DCHS2: variants seen among roughly 807,000 people sequenced by gnomAD.
DCHS2 encodes protocadherin-23.
In DCHS2, 142 loss-of-function variants were observed where a neutral mutation model predicts 182.4. The observed-to-expected ratio is 0.78, with a 90% CI of 0.68 to 0.89. The LOEUF (loss-of-function observed/expected upper bound fraction) is 0.89, where lower values mean the gene tolerates loss of function less well. Among genes scored for constraint, DCHS2 ranks in the 40% least tolerant of loss-of-function variants. The probability of loss-of-function intolerance (pLI) is 0.00; values close to 1 mark genes in which losing one functional copy is unlikely to be tolerated. For missense variants in DCHS2, 4,319 were observed against 4,198.6 expected, an observed-to-expected ratio of 1.03 and a Z score of -0.79; for synonymous variants, 1,740 against 1,663.3, an observed-to-expected ratio of 1.05 and a Z score of -1.12.
intron 1 of DCHS2, among the ~76,000 whole-genome samples, chr4:154,404,273 T>A (rs1357931793): frequency 6.6e-6 from 1 of 152,208 alleles, no homozygotes; most frequent in African/African-American, 2.4e-5. Flanking sequence ...CTTTGACTCA[T>A]GGATTATTTA....
At chr4:154,464,593 C>T (rs1735160585) in intron 1 of DCHS2, among the ~76,000 whole-genome samples, 1 of 152,102 alleles carries the variant, frequency 6.6e-6, no homozygotes, top group Non-Finnish European at 1.5e-5. Context: ...AGAAACAACC[C>T]ATTAAAGGCA....
chr4:154,332,982 G>T lies in DCHS2; in HGVS notation c.3226C>A (p.Arg1076Ser). ...LLVLTVVIEK[R>S]EHSPSWTFEH... ...AAAGTCCAGGATGGGCTGTGTTCGC[G>T]TTTCTCGATAACGACTGTCAGCACC... is the stretch of plus-strand genomic sequence containing the variant. Residue 1076 changes from arginine (R) to serine (S), a missense_variant, in exon 5 of 20, where the codon CGC becomes AGC. Coordinates refer to ENST00000357232, the MANE Select transcript of DCHS2 (RefSeq NM_001358235.2). The T allele has an allele frequency of 6.2e-7, 1 of 1,614,218 alleles. No homozygotes were observed. The highest frequency in any genetic ancestry group is 1.3e-5 in the African/African-American group (1 of 75,068).
Position 154,298,615 on chromosome 4 carries a change from G to T in DCHS2, c.5699C>A (p.Thr1900Asn). 1.2e-6 allele frequency: 2 copies of T among 1,614,062 alleles called. No homozygotes were observed. The highest frequency in any genetic ancestry group is 1.7e-6 in the Non-Finnish European group (2 of 1,179,972). ...ALDREQISNF[T>N]LVILCSDLGD... ...CAGGTCAGAGCACAGAATGACAAGG[G>T]TAAAATTGCTGATTTGCTCCCGGTC... The change falls in exon 13 of 20, where the codon ACC (threonine) becomes AAC (asparagine). Residue 1900 changes from threonine (T) to asparagine (N), a missense_variant. Thr to Asn is a moderately conservative substitution (Grantham distance 65, BLOSUM62 0). Transcript: ENST00000357232.
chr4:154,407,110 T>C (rs1368399164), intron 1 of DCHS2, among the ~76,000 whole-genome samples: 1 of 152,174 alleles, frequency 6.6e-6, no homozygotes, highest in Admixed American at 6.5e-5. Flanking sequence ...AAATCTGTTT[T>C]ATGGCAACAT....
At chr4:154,253,568 GTTTCA>G (rs1732493009) in intron 16 of DCHS2, among the ~76,000 whole-genome samples, 1 of 152,202 alleles carries the variant, frequency 6.6e-6, no homozygotes, top group South Asian at 2.1e-4. Flanking sequence ...GAGGAGAAAA[GTTTCA>G]TGCTTAAACA....
intron 16 of DCHS2, among the ~76,000 whole-genome samples, chr4:154,246,254 C>T (rs1027033212): frequency 6.6e-6 from 1 of 152,158 alleles, no homozygotes; most frequent in Non-Finnish European, 1.5e-5. Context: ...TTTTGTCCCT[C>T]TTGCCCATTA....
chr4:154,434,766 G>A (rs1733703856), intron 1 of DCHS2, among the ~76,000 whole-genome samples: 2 of 152,130 alleles, frequency 1.3e-5, no homozygotes, highest in Admixed American at 1.3e-4. Context: ...GATGAAAATG[G>A]TATTTTACCT....
intron 1 of DCHS2, among the ~76,000 whole-genome samples, chr4:154,417,223 GA>G (rs1732893578): frequency 6.8e-6 from 1 of 148,060 alleles, no homozygotes; most frequent in African/African-American, 2.5e-5. Context: ...GAGAGAGAGA[GA>G]GAGAGAGAGA....
intron 2 of DCHS2, among the ~76,000 whole-genome samples, chr4:154,376,133 G>A (rs752157047): frequency 1.3e-5 from 2 of 152,018 alleles, no homozygotes. Flanking sequence ...GGGGCTTCTG[G>A]GTTCCGGTAA....
At chr4:154,298,792 C>T in intron 12 of DCHS2, 84 bp from the exon 13 acceptor site, 9 of 1,464,556 alleles carry the variant, frequency 6.1e-6, no homozygotes, top group East Asian at 2.3e-5. Flanking sequence ...TTCATTTATA[C>T]ATTCATTAAA....
chr4:154,238,425 G>A (rs971656506), intron 19 of DCHS2, among the ~76,000 whole-genome samples: 12 of 152,002 alleles, frequency 7.9e-5, no homozygotes, highest in African/African-American at 2.9e-4. Context: ...TGTCTCCCAG[G>A]CCCTGTTATT....
At chr4:154,244,955 TAA>T (rs1286198312) in intron 16 of DCHS2, among the ~76,000 whole-genome samples, 1 of 152,160 alleles carries the variant, frequency 6.6e-6, no homozygotes, top group African/African-American at 2.4e-5. Context: ...ACATCAAAGT[TAA>T]GTTTCTATCA....
At chr4:154,450,549 C>A (rs1222809396) in intron 1 of DCHS2, among the ~76,000 whole-genome samples, 4 of 152,028 alleles carry the variant, frequency 2.6e-5, no homozygotes, top group African/African-American at 9.7e-5. Flanking sequence ...AATTTAGGAG[C>A]CAGCCGGGCA....
chr4:154,337,713 T>C (rs974324135), intron 3 of DCHS2, among the ~76,000 whole-genome samples: 1 of 151,660 alleles, frequency 6.6e-6, no homozygotes, highest in Non-Finnish European at 1.5e-5. Context: ...TTCTTTGATG[T>C]AACAATTTCT....
intron 15 of DCHS2, among the ~76,000 whole-genome samples, chr4:154,256,756 A>C (rs1578867003): frequency 6.6e-6 from 1 of 152,072 alleles, no homozygotes; most frequent in East Asian, 1.9e-4. Flanking sequence ...ATACTGATGA[A>C]TGTCCTAGTG....
intron 17 of DCHS2, 133 bp from the exon 18 acceptor site, chr4:154,240,956 C>A (rs1460504644): frequency 3.3e-5 from 46 of 1,380,762 alleles, no homozygotes; most frequent in Non-Finnish European, 4.2e-5. Flanking sequence ...ATTTCTCATA[C>A]AAAGCTCATT....
At chr4:154,487,348 G>A (rs1191677594) in intron 1 of DCHS2, among the ~76,000 whole-genome samples, 6 of 152,294 alleles carry the variant, frequency 3.9e-5, no homozygotes, top group Middle Eastern at 6.8e-3. Flanking sequence ...TGACATTGGC[G>A]GAAGTTGTGT....
intron 1 of DCHS2, among the ~76,000 whole-genome samples, chr4:154,483,162 T>C (rs903667883): frequency 2.6e-5 from 4 of 152,002 alleles, no homozygotes; most frequent in African/African-American, 9.7e-5. Flanking sequence ...TATGTATACA[T>C]GTATGGAAGA....
chr4:154,291,540 A>G (rs1169788250), intron 13 of DCHS2, among the ~76,000 whole-genome samples: 1 of 152,204 alleles, frequency 6.6e-6, no homozygotes, highest in African/African-American at 2.4e-5. Flanking sequence ...TTTGGAAGCA[A>G]CTTAAGTGTC....
Sources: gnomAD v4.1 joint callset for allele counts (sites outside exome capture counted in the v4.1 genomes callset) on GRCh38, gnomAD v4.1.1 for gene constraint, MANE v1.5 for transcripts, NCBI Gene and HGNC (gene_info 2026-07-23, HGNC 2026-07-21) for gene names.